The following LOC128462377 variants were observed in gnomAD, a reference collection of about 807,000 sequenced individuals.
chr16:89,406,016 G>A, the LOC128462377 span, among the ~76,000 whole-genome samples: 1 of 151,642 alleles, frequency 6.6e-6, no homozygotes, highest in East Asian at 1.9e-4. Flanking sequence ...AGGCTGAGGT[G>A]GGAGAATCAC....
chr16:89,359,939 C>T, the LOC128462377 span, among the ~76,000 whole-genome samples: 18 of 151,878 alleles, frequency 1.2e-4, no homozygotes, highest in Non-Finnish European at 7.4e-5. Context: ...TGAGGGTGTA[C>T]TACATAAGTA....
At chr16:89,407,765 G>A in the LOC128462377 span, among the ~76,000 whole-genome samples, 3 of 149,754 alleles carry the variant, frequency 2.0e-5, no homozygotes, top group Non-Finnish European at 3.0e-5. Context: ...CAGGAGGATC[G>A]CTTGAGCCCA....
At chr16:89,360,616 G>A in the LOC128462377 span, 1 of 152,186 alleles carries the variant, frequency 6.6e-6, no homozygotes, top group Non-Finnish European at 1.5e-5. Flanking sequence ...CATTCTAGAA[G>A]CCAGTGCACC....
At chr16:89,317,050 A>G in the LOC128462377 span, 1 of 1,602,452 alleles carries the variant, frequency 6.2e-7, no homozygotes, top group Non-Finnish European at 8.5e-7. Flanking sequence ...CTTCATTTAC[A>G]CGGCCGGCGC....
At chr16:89,393,869 T>C in the LOC128462377 span, among the ~76,000 whole-genome samples, 1 of 152,168 alleles carries the variant, frequency 6.6e-6, no homozygotes, top group Non-Finnish European at 1.5e-5. Flanking sequence ...CATGCTGATC[T>C]GCATGAGGAA....
At chr16:89,378,785 C>G in the LOC128462377 span, among the ~76,000 whole-genome samples, 19 of 152,152 alleles carry the variant, frequency 1.2e-4, no homozygotes, top group Non-Finnish European at 2.9e-5. Flanking sequence ...GGGGTTTCAT[C>G]ATGTTGGCCA....
At chr16:89,385,049 C>G in the LOC128462377 span, among the ~76,000 whole-genome samples, 4 of 151,738 alleles carry the variant, frequency 2.6e-5, no homozygotes, top group East Asian at 7.7e-4. Context: ...CCATGCCAGG[C>G]TAATTTTTGT....
chr16:89,397,334 C>A, the LOC128462377 span, among the ~76,000 whole-genome samples: 1 of 152,194 alleles, frequency 6.6e-6, no homozygotes, highest in Non-Finnish European at 1.5e-5. Flanking sequence ...CGGATTCCAC[C>A]GTAAGTGCTG....
the LOC128462377 span, among the ~76,000 whole-genome samples, chr16:89,364,675 A>G: frequency 5.9e-5 from 9 of 152,282 alleles, no homozygotes; most frequent in Non-Finnish European, 1.2e-4. Context: ...AAAAAATCTC[A>G]TAACGTTTAC....
the LOC128462377 span, among the ~76,000 whole-genome samples, chr16:89,376,215 C>A: frequency 6.6e-6 from 1 of 152,084 alleles, no homozygotes; most frequent in Non-Finnish European, 1.5e-5. Context: ...TAGTCTGATT[C>A]CAGAAAAGTG....
At chr16:89,341,953 CAG>C in the LOC128462377 span, among the ~76,000 whole-genome samples, 1 of 149,896 alleles carries the variant, frequency 6.7e-6, no homozygotes, top group African/African-American at 2.5e-5. Context: ...CCACGAACAG[CAG>C]CCACGGCCCA....
chr16:89,418,265 G>C, the LOC128462377 span: 8 of 453,624 alleles, frequency 1.8e-5, no homozygotes, highest in Non-Finnish European at 2.6e-5. Flanking sequence ...AATTGATAGA[G>C]AATGCAGTGA....
the LOC128462377 span, among the ~76,000 whole-genome samples, chr16:89,414,417 G>C: frequency 6.6e-6 from 1 of 152,142 alleles, no homozygotes; most frequent in Non-Finnish European, 1.5e-5. Context: ...GGGTCATCGG[G>C]GGTCACGCAG....
the LOC128462377 span, among the ~76,000 whole-genome samples, chr16:89,393,314 ATTT>A: frequency 5.6e-4 from 78 of 139,332 alleles, no homozygotes; most frequent in African/African-American, 2.0e-3. Context: ...TTTTATTTTT[ATTT>A]TTTTTTTTTT....
chr16:89,377,364 A>C, the LOC128462377 span, among the ~76,000 whole-genome samples: 1 of 152,158 alleles, frequency 6.6e-6, no homozygotes, highest in South Asian at 2.1e-4. Context: ...TGTCAAACCC[A>C]AAACAATGAA....
the LOC128462377 span, chr16:89,320,290 C>T: frequency 2.0e-5 from 3 of 152,278 alleles, no homozygotes; most frequent in African/African-American, 7.2e-5. Context: ...GGAGACTCTT[C>T]CCTGGAAGGT....
chr16:89,364,718 T>C, the LOC128462377 span, among the ~76,000 whole-genome samples: 159 of 152,356 alleles, frequency 1.0e-3, 1 homozygote, highest in African/African-American at 3.6e-3. Context: ...AAAGCTGCCA[T>C]GGGCCGCGGG....
At chr16:89,334,144 TAAAAAAAAAAAAAAA>T in the LOC128462377 span, among the ~76,000 whole-genome samples, 13 of 41,418 alleles carry the variant, frequency 3.1e-4, 1 homozygote, top group African/African-American at 4.8e-4. Context: ...CCCTGTGTTT[TAAAAAAAAAAAAAAA>T]AAAAAAAAAA....
At chr16:89,409,540 G>A in the LOC128462377 span, among the ~76,000 whole-genome samples, 1 of 152,180 alleles carries the variant, frequency 6.6e-6, no homozygotes, top group Non-Finnish European at 1.5e-5. Flanking sequence ...AAGGCTGGGT[G>A]CTGCGACTCA....
Sources: allele counts gnomAD v4.1 joint callset (sites outside exome capture counted in the v4.1 genomes callset), GRCh38; gene constraint gnomAD v4.1.1; transcripts MANE v1.5.